Variants in CORIN observed in about 807,000 individuals in gnomAD.
The protein encoded by CORIN is corin, serine peptidase, also known as atrial natriuretic peptide-converting enzyme.
CORIN carries 117 observed loss-of-function variants against 125.3 expected under a neutral mutation model. The observed-to-expected ratio is 0.93, with a 90% confidence interval of 0.80 to 1.09. The LOEUF is 1.09. Ranked by LOEUF, CORIN falls within the 50% of genes least tolerant of loss-of-function variation. The probability of loss-of-function intolerance (pLI) is 0.00; values close to 1 mark genes in which losing one functional copy is unlikely to be tolerated. For synonymous variants in CORIN, 450 were observed against 466.4 expected, an observed-to-expected ratio of 0.96 and a Z score of 0.45; for missense variants, 1,253 against 1,306.7, an observed-to-expected ratio of 0.96 and a Z score of 0.63.
At chr4:47,598,417 T>C (rs1051616193) in intron 21 of CORIN, among the ~76,000 whole-genome samples, 1 of 152,170 alleles carries the variant, frequency 6.6e-6, no homozygotes, top group African/African-American at 2.4e-5. Context: ...TATACACCAC[T>C]GAACTCCCAC....
At chr4:47,825,835 A>G (rs1389491844) in intron 1 of CORIN, among the ~76,000 whole-genome samples, 1 of 151,282 alleles carries the variant, frequency 6.6e-6, no homozygotes, top group Non-Finnish European at 1.5e-5. Flanking sequence ...CAACTAGCTT[A>G]CTAGATTACA....
intron 5 of CORIN, among the ~76,000 whole-genome samples, chr4:47,727,164 T>G (rs1043756994): frequency 6.6e-6 from 1 of 152,034 alleles, no homozygotes; most frequent in East Asian, 1.9e-4. Context: ...TTAAAAATAA[T>G]TTTAATGATA....
chr4:47,815,207 CT>C (rs1732214360), intron 1 of CORIN, among the ~76,000 whole-genome samples: 1 of 151,984 alleles, frequency 6.6e-6, no homozygotes, highest in Non-Finnish European at 1.5e-5. Flanking sequence ...ATAAAAAGGT[CT>C]TTCTCCAACC....
chr4:47,612,241 T>C (rs1577735944), intron 19 of CORIN, among the ~76,000 whole-genome samples: 1 of 152,104 alleles, frequency 6.6e-6, no homozygotes, highest in Non-Finnish European at 1.5e-5. Context: ...CTGGGGTAAA[T>C]TCAGTAAGTA....
At chr4:47,609,135 C>T (rs1721771881) in intron 19 of CORIN, among the ~76,000 whole-genome samples, 1 of 152,130 alleles carries the variant, frequency 6.6e-6, no homozygotes, top group Non-Finnish European at 1.5e-5. Flanking sequence ...ACCAAATCTG[C>T]ACTAAATAAA....
chr4:47,760,661 C>G (rs1245809617), intron 4 of CORIN, among the ~76,000 whole-genome samples: 1 of 152,168 alleles, frequency 6.6e-6, no homozygotes, highest in Non-Finnish European at 1.5e-5. Flanking sequence ...CTGAATTAGA[C>G]CTTAACAACA....
At chr4:47,677,379 A>G (rs572166431) in intron 9 of CORIN, among the ~76,000 whole-genome samples, 1 of 152,262 alleles carries the variant, frequency 6.6e-6, no homozygotes, top group African/African-American at 2.4e-5. Flanking sequence ...TCTTCCCTGG[A>G]CCCTACTGAG....
At chr4:47,771,515 T>G (rs1275999302) in intron 3 of CORIN, among the ~76,000 whole-genome samples, 1 of 152,188 alleles carries the variant, frequency 6.6e-6, no homozygotes, top group Non-Finnish European at 1.5e-5. Context: ...CATGGGGGGC[T>G]GTCATACAGA....
At chr4:47,787,513 C>CAAA (rs769509859) in intron 2 of CORIN, among the ~76,000 whole-genome samples, 1 of 120,126 alleles carries the variant, frequency 8.3e-6, no homozygotes, top group African/African-American at 3.0e-5. Context: ...TCATAGGAAC[C>CAAA]AAAAAAAAAA....
chr4:47,715,730 CATA>C (rs1727059666), intron 5 of CORIN, among the ~76,000 whole-genome samples: 1 of 152,206 alleles, frequency 6.6e-6, no homozygotes, highest in Non-Finnish European at 1.5e-5. Flanking sequence ...TCATAATCGT[CATA>C]ATATTCTTCA....
chr4:47,626,974 T>G (rs1013566947), intron 16 of CORIN, among the ~76,000 whole-genome samples: 5 of 134,364 alleles, frequency 3.7e-5, no homozygotes, highest in African/African-American at 1.1e-4. Context: ...GTTTGTAGGT[T>G]GTTGTTGTTG....
chr4:47,670,316 T>G (rs536534303), intron 10 of CORIN, among the ~76,000 whole-genome samples: 36 of 152,318 alleles, frequency 2.4e-4, no homozygotes, highest in African/African-American at 8.7e-4. Flanking sequence ...GTATTCAATC[T>G]TTTTTTCACT....
chr4:47,695,150 T>C (rs1725932810), intron 5 of CORIN, among the ~76,000 whole-genome samples: 1 of 152,070 alleles, frequency 6.6e-6, no homozygotes, highest in South Asian at 2.1e-4. Flanking sequence ...TCCTAAACGA[T>C]TCATAGAAAA....
At chr4:47,834,176 A>AG (rs2068299942) in intron 1 of CORIN, among the ~76,000 whole-genome samples, 1 of 152,228 alleles carries the variant, frequency 6.6e-6, no homozygotes, top group Non-Finnish European at 1.5e-5. Context: ...AAAACATAGG[A>AG]GCAGCCTAAT....
At chr4:47,780,334 G>T (rs956664324) in intron 3 of CORIN, among the ~76,000 whole-genome samples, 2 of 151,686 alleles carry the variant, frequency 1.3e-5, no homozygotes, top group African/African-American at 4.8e-5. Context: ...GAAAGGAGAA[G>T]AAATGAAGGA....
chr4:47,618,985 T>C (rs1048105807), intron 19 of CORIN, among the ~76,000 whole-genome samples: 11 of 152,204 alleles, frequency 7.2e-5, no homozygotes, highest in African/African-American at 2.6e-4. Flanking sequence ...GTTGTGGTCA[T>C]ATAGTGGGAG....
At chr4:47,636,216 C>A (rs901807847) in intron 16 of CORIN, among the ~76,000 whole-genome samples, 1 of 152,118 alleles carries the variant, frequency 6.6e-6, no homozygotes, top group African/African-American at 2.4e-5. Context: ...TCCATAAAAG[C>A]ATTTTTGCCA....
chr4:47,720,009 T>C (rs34884287), intron 5 of CORIN, among the ~76,000 whole-genome samples: 14,943 of 152,226 alleles, frequency 0.098, 871 homozygotes, highest in East Asian at 0.27. Context: ...CTAAAGGACA[T>C]ATGTGCATTC....
chr4:47,793,565 G>A lies in CORIN; in HGVS notation c.209-6640C>T, dbSNP rs563586225. On this transcript the variant is annotated intron_variant, in intron 2 of 21. Coordinates refer to ENST00000273857, the MANE Select transcript of CORIN (RefSeq NM_006587.4). ...CTCAACACTGAGGAAGATCATATGC[G>A]CATAGCACATCTGGGGAGAAGAAAG... Among the ~76,000 whole-genome samples, 35 of 152,280 alleles carry A rather than the reference G, an allele frequency of 2.3e-4. No individual in the cohort carries two copies. The East Asian group carries it at 2.9e-3, about 13-fold the overall frequency.
Sources: allele counts gnomAD v4.1 joint callset (sites outside exome capture counted in the v4.1 genomes callset), GRCh38; gene constraint gnomAD v4.1.1; transcripts MANE v1.5; gene names NCBI Gene and HGNC (gene_info 2026-07-23, HGNC 2026-07-21).